Variants in NTN1 observed in about 807,000 individuals in gnomAD.
NTN1 encodes netrin-1.
In NTN1, 11 loss-of-function variants were observed where a neutral mutation model predicts 54.2. That is an observed-to-expected ratio of 0.20 (90% confidence interval 0.13 to 0.34). The LOEUF is 0.34. Ranked by LOEUF, NTN1 falls within the 10% of genes least tolerant of loss-of-function variation. The probability of loss-of-function intolerance (pLI) is 1.00; values close to 1 mark genes in which losing one functional copy is unlikely to be tolerated. For synonymous variants in NTN1, 371 were observed against 382.0 expected (o/e 0.97, Z 0.33); for missense variants, 740 against 893.1 (o/e 0.83, Z 2.18).
At chr17:9,034,485 C>T (rs987062200) in intron 2 of NTN1, among the ~76,000 whole-genome samples, 7 of 148,378 alleles carry the variant, frequency 4.7e-5, no homozygotes, top group African/African-American at 1.7e-4. Flanking sequence ...TGCAGTGGTA[C>T]GATCTCAGCT....
chr17:9,135,849 C>T lies in NTN1; in HGVS notation c.1019-26964C>T, dbSNP rs2092279244. Among the ~76,000 whole-genome samples the T allele has an allele frequency of 6.6e-6, 1 of 152,188 alleles. No homozygotes were observed. The highest frequency in any genetic ancestry group is 2.1e-4 in the South Asian group (1 of 4,824). On this transcript the variant is annotated intron_variant, in intron 2 of 6. Coordinates refer to ENST00000173229, the MANE Select transcript of NTN1 (RefSeq NM_004822.3). This position sits in a 1 kb window ranked among gnomAD's most constrained non-coding sequence, Gnocchi z 4.4. ...TCTAGCCCTGAGTCCACCATTCACT[C>T]CCTGAGCTCCTCTTCACACATGTCG...
At chr17:9,236,132 G>GA (rs1024750123) in intron 6 of NTN1, among the ~76,000 whole-genome samples, 2 of 149,512 alleles carry the variant, frequency 1.3e-5, no homozygotes, top group Non-Finnish European at 3.0e-5. Context: ...TTTGGGGGGG[G>GA]GGGTACTAAC....
chr17:9,031,703 G>T (rs1234150086), intron 2 of NTN1, among the ~76,000 whole-genome samples: 2 of 152,130 alleles, frequency 1.3e-5, no homozygotes, highest in Non-Finnish European at 2.9e-5. Flanking sequence ...CTAGCACTTT[G>T]GGAGGTTGAG....
At chr17:9,112,143 A>T (rs1174989134) in intron 2 of NTN1, among the ~76,000 whole-genome samples, 1 of 152,228 alleles carries the variant, frequency 6.6e-6, no homozygotes, top group East Asian at 1.9e-4. Context: ...ACTGCTATGA[A>T]GCTGCGCCTG....
In NTN1 at chr17:9,173,037, C is replaced by T. The variant is rs548602111; in HGVS notation, c.1208-6770C>T. On this transcript the variant is annotated intron_variant, in intron 3 of 6. Coordinates refer to ENST00000173229, the MANE Select transcript of NTN1 (RefSeq NM_004822.3). ...AAGAAGAAACTCCTTCCCTAGGGCT[C>T]TCTGACACTGCGTCTTTGGGCCTCC... Among the ~76,000 whole-genome samples, 9 of 151,788 alleles carry T rather than the reference C, an allele frequency of 5.9e-5. No individual in the cohort carries two copies. The East Asian group carries it at 1.2e-3, about 20-fold the overall frequency.
At chr17:9,145,121 A>G (rs1044455096) in intron 2 of NTN1, among the ~76,000 whole-genome samples, 2 of 152,184 alleles carry the variant, frequency 1.3e-5, no homozygotes, top group Non-Finnish European at 2.9e-5. Flanking sequence ...CTGCACAATA[A>G]AGGAAGAATG....
intron 2 of NTN1, among the ~76,000 whole-genome samples, chr17:9,029,705 T>C (rs753176004): frequency 1.6e-4 from 25 of 152,206 alleles, no homozygotes; most frequent in Non-Finnish European, 2.9e-4. Context: ...TTAAAAGTTA[T>C]ATCATTGGCC....
At chr17:9,147,383 C>A (rs539242940) in intron 2 of NTN1, among the ~76,000 whole-genome samples, 1 of 152,116 alleles carries the variant, frequency 6.6e-6, no homozygotes, top group Non-Finnish European at 1.5e-5. Context: ...GGCATAGTGG[C>A]GGGCACCTGT....
chr17:9,229,587 G>C (rs1049155603), intron 6 of NTN1, among the ~76,000 whole-genome samples: 1 of 152,180 alleles, frequency 6.6e-6, no homozygotes, highest in African/African-American at 2.4e-5. Context: ...CCCCATCGGG[G>C]CCACTGACTC....
At chr17:9,047,279 G>A (rs570673765) in intron 2 of NTN1, among the ~76,000 whole-genome samples, 22 of 152,210 alleles carry the variant, frequency 1.4e-4, no homozygotes, top group Non-Finnish European at 2.8e-4. Flanking sequence ...TTTTGCTGTA[G>A]CTGCATAATA....
At chr17:9,220,204 C>A (rs933079084) in intron 5 of NTN1, among the ~76,000 whole-genome samples, 2 of 152,188 alleles carry the variant, frequency 1.3e-5, no homozygotes, top group Non-Finnish European at 2.9e-5. Context: ...GTGGCTTACC[C>A]TCTTTGAGCC....
chr17:9,162,840 G>T lies in NTN1; in HGVS notation c.1046G>T (p.Arg349Leu), dbSNP rs374707235. The T allele has an allele frequency of 3.1e-6, 5 of 1,613,336 alleles. No individual in the cohort carries two copies. In the East Asian group the frequency reaches 1.1e-4, roughly 36 times the overall value. ...VACNCNLHARRCRFNMELYKL... is the reference protein window; with the variant it reads ...VACNCNLHARLCRFNMELYKL... The stretch of plus-strand genomic sequence containing the variant: ...TGTAACTGCAACCTGCATGCCCGGC[G>T]CTGCCGCTTCAACATGGAGCTCTAC... Residue 349 changes from arginine to leucine, a missense_variant, in exon 3 of 7, where the codon CGC becomes CTC. Arg to Leu is a moderately radical substitution (Grantham distance 102). Coordinates refer to ENST00000173229, the MANE Select transcript of NTN1 (RefSeq NM_004822.3).
chr17:9,137,384 A>G (rs1041032311), intron 2 of NTN1, among the ~76,000 whole-genome samples: 1 of 152,180 alleles, frequency 6.6e-6, no homozygotes, highest in African/African-American at 2.4e-5. Context: ...CAGTACCTAG[A>G]ACAGAACTGG....
chr17:9,192,497 A>G (rs547211152), intron 5 of NTN1, among the ~76,000 whole-genome samples: 32 of 152,070 alleles, frequency 2.1e-4, no homozygotes, highest in Admixed American at 3.9e-4. Context: ...ATCAGGGGCT[A>G]TTGTATGTCT....
chr17:9,218,726 T>C (rs1161729552), intron 5 of NTN1, among the ~76,000 whole-genome samples: 1 of 152,008 alleles, frequency 6.6e-6, no homozygotes, highest in East Asian at 1.9e-4. Context: ...GGCACCGCAG[T>C]CCCTCCCTCA....
Position 9,179,816 on chromosome 17 carries a change from G to A in NTN1, c.1217G>A (p.Cys406Tyr). Residue 406 changes from cysteine to tyrosine, a missense_variant, in exon 4 of 7, where the codon TGC becomes TAC. Physicochemically the swap from Cys to Tyr is radical, Grantham distance 194. Transcript: ENST00000173229. ...TTTGTGTTCTCTGCAGCCTGTGATT[G>A]CCACCCTGTGGGTGCTGCTGGCAAA... ...THRKACKACD[C>Y]HPVGAAGKTC... The A allele has an allele frequency of 6.2e-7, 1 of 1,613,728 alleles. No individual in the cohort carries two copies. The highest frequency in any genetic ancestry group is 8.5e-7 in the Non-Finnish European group (1 of 1,179,872).
At chr17:9,199,130 TTTTC>T (rs757290784) in intron 5 of NTN1, among the ~76,000 whole-genome samples, 3 of 152,210 alleles carry the variant, frequency 2.0e-5, no homozygotes, top group Non-Finnish European at 4.4e-5. Context: ...AGCTATTTCT[TTTTC>T]TTTCTTTCTT....
chr17:9,139,041 C>T (rs964166653), intron 2 of NTN1, among the ~76,000 whole-genome samples: 1 of 152,046 alleles, frequency 6.6e-6, no homozygotes, highest in African/African-American at 2.4e-5. Flanking sequence ...TCTCTGGACA[C>T]CATGGAGGAG....
chr17:9,040,886 A>G (rs1028999196), intron 2 of NTN1, among the ~76,000 whole-genome samples: 1 of 151,934 alleles, frequency 6.6e-6, no homozygotes, highest in Non-Finnish European at 1.5e-5. Flanking sequence ...ATCATAGCTC[A>G]TTGCAGCCTC....
Sources: allele counts gnomAD v4.1 joint callset (sites outside exome capture counted in the v4.1 genomes callset), GRCh38; gene constraint gnomAD v4.1.1; non-coding constraint Gnocchi (gnomAD v3.1); transcripts MANE v1.5; gene names NCBI Gene and HGNC (gene_info 2026-07-23, HGNC 2026-07-21).